PVT1: variants seen among roughly 807,000 people sequenced by gnomAD.
The protein encoded by PVT1 is CXCR4/PVT1 fusion.
At chr8:128,053,478 A>C (rs931205385) in intron 4 of PVT1, among the ~76,000 whole-genome samples, 27 of 150,518 alleles carry the variant, frequency 1.8e-4, no homozygotes. Flanking sequence ...GTATTAATAT[A>C]TATAGGTATT....
chr8:127,873,379 C>A (rs927130897), intron 2 of PVT1, among the ~76,000 whole-genome samples: 1 of 152,160 alleles, frequency 6.6e-6, no homozygotes, highest in Non-Finnish European at 1.5e-5. Context: ...AGGAAGGAGA[C>A]CCCTTCTAAC....
intron 4 of PVT1, among the ~76,000 whole-genome samples, chr8:128,004,819 C>A (rs977593446): frequency 1.4e-4 from 21 of 152,264 alleles, no homozygotes; most frequent in African/African-American, 5.1e-4. Flanking sequence ...TTGCGAAGTC[C>A]ACATAAAGTG....
intron 5 of PVT1, among the ~76,000 whole-genome samples, chr8:128,079,043 G>A (rs1814136708): frequency 7.1e-6 from 1 of 140,480 alleles, no homozygotes; most frequent in Admixed American, 7.0e-5. Flanking sequence ...ATCTTAAGGT[G>A]ATTTCCAATT....
intron 2 of PVT1, among the ~76,000 whole-genome samples, chr8:127,839,825 C>T (rs912413513): frequency 2.6e-5 from 4 of 152,062 alleles, no homozygotes; most frequent in African/African-American, 9.7e-5. Context: ...GTTGCCAGGG[C>T]TGGGGAGGAT....
intron 2 of PVT1, among the ~76,000 whole-genome samples, chr8:127,822,406 A>C (rs1171400466): frequency 3.3e-5 from 5 of 152,172 alleles, no homozygotes; most frequent in Admixed American, 6.5e-5. Flanking sequence ...GTGAAATCCC[A>C]TATCTACTAA....
intron 3 of PVT1, among the ~76,000 whole-genome samples, chr8:127,897,619 GAAAGAAAGAAAGACAGAC>G (rs975400701): frequency 7.2e-6 from 1 of 139,734 alleles, no homozygotes; most frequent in African/African-American, 2.7e-5. Flanking sequence ...AGAAAGGAAA[GAAAGAAAGAAAGACAGAC>G]AAAGAAAGAA....
intron 4 of PVT1, among the ~76,000 whole-genome samples, chr8:128,014,181 G>A (rs1242573546): frequency 6.6e-6 from 1 of 152,186 alleles, no homozygotes; most frequent in Non-Finnish European, 1.5e-5. Context: ...TCCCTCCCAG[G>A]GTTTAGGTCA....
At chr8:127,995,157 G>T (rs1226796049) in intron 4 of PVT1, among the ~76,000 whole-genome samples, 1 of 152,142 alleles carries the variant, frequency 6.6e-6, no homozygotes, top group African/African-American at 2.4e-5. Flanking sequence ...CCCTTTGAGT[G>T]TTGAGCCCCA....
chr8:127,990,174 C>A (rs907477072), intron 4 of PVT1, among the ~76,000 whole-genome samples: 1 of 152,174 alleles, frequency 6.6e-6, no homozygotes, highest in Admixed American at 6.5e-5. Context: ...TTGTGCCCAG[C>A]CCCTTACCCA....
chr8:127,808,507 C>T (rs1423741157), intron 2 of PVT1, among the ~76,000 whole-genome samples: 1 of 152,104 alleles, frequency 6.6e-6, no homozygotes, highest in African/African-American at 2.4e-5. Flanking sequence ...TCCAGATGAA[C>T]AGGTGTTTGG....
chr8:127,847,741 C>A (rs909567071), intron 2 of PVT1, among the ~76,000 whole-genome samples: 1 of 151,774 alleles, frequency 6.6e-6, no homozygotes, highest in Non-Finnish European at 1.5e-5. Context: ...GCCATCTTTT[C>A]TGTAAAAAAA....
intron 3 of PVT1, chr8:127,960,841 A>C: frequency 4.1e-6 from 1 of 242,888 alleles, no homozygotes; most frequent in Non-Finnish European, 8.6e-6. Context: ...CACATACTGC[A>C]GGCCAGGCAT....
chr8:128,041,494 TTGGTATGTGTG>T (rs1813542147), intron 4 of PVT1, among the ~76,000 whole-genome samples: 2 of 108,780 alleles, frequency 1.8e-5, no homozygotes, highest in Admixed American at 1.0e-4. Flanking sequence ...GCGTATGTGT[TTGGTATGTGTG>T]TGTGTGTGTA....
At chr8:128,062,324 T>C (rs1813841001) in intron 4 of PVT1, among the ~76,000 whole-genome samples, 1 of 152,234 alleles carries the variant, frequency 6.6e-6, no homozygotes, top group South Asian at 2.1e-4. Context: ...AATTTTTGTT[T>C]AGTGTGTTTC....
In PVT1 at chr8:127,958,508, G is replaced by A. The variant is rs1039028861; in HGVS notation, n.783-30654G>A. Reference sequence around the variant, plus strand: ...CCTGCTTTGGCCTCCCAAAGTGCTGGGATTACAGGCATGAGCCACCATGCC... The same window carrying A: ...CCTGCTTTGGCCTCCCAAAGTGCTGAGATTACAGGCATGAGCCACCATGCC... On this transcript the variant is annotated intron_variant and non_coding_transcript_variant, in intron 3 of 10. Coordinates refer to ENST00000651587, the Ensembl canonical transcript of PVT1. 3.3e-5 allele frequency among the ~76,000 whole-genome samples: 5 copies of A among 152,312 alleles called. No homozygotes were observed. In the South Asian group the frequency reaches 1.0e-3, roughly 32 times the overall value.
At chr8:128,099,793 A>T (rs559965670) in intron 6 of PVT1, 1 of 151,980 alleles carries the variant, frequency 6.6e-6, no homozygotes, top group African/African-American at 2.4e-5. Flanking sequence ...TGTTTTCTAG[A>T]ACGTTCTTTT....
chr8:127,898,597 A>G lies in PVT1; in HGVS notation n.782+7599A>G, dbSNP rs1005556422. Among the ~76,000 whole-genome samples, 1 of 152,202 alleles carries G rather than the reference A, an allele frequency of 6.6e-6. No homozygotes were observed. Among genetic ancestry groups the G allele is most frequent in the Non-Finnish European group, 1.5e-5 (1 of 68,032 alleles). On this transcript the variant is annotated intron_variant and non_coding_transcript_variant, in intron 3 of 10. Transcript: ENST00000651587. This position sits in a 1 kb window ranked among gnomAD's most constrained non-coding sequence, Gnocchi z 4.4. ...GGGCCACACTAGACTGGAGCCAACC[A>G]TGGCCCATTGCTGAGACTCTGGGCC... is the stretch of plus-strand genomic sequence containing the variant.
At chr8:127,945,174 T>C (rs1816405193) in intron 3 of PVT1, among the ~76,000 whole-genome samples, 1 of 152,198 alleles carries the variant, frequency 6.6e-6, no homozygotes, top group African/African-American at 2.4e-5. Flanking sequence ...GACACTGTGC[T>C]TGATGCATTT....
chr8:127,840,938 A>G (rs1586402041), intron 2 of PVT1, among the ~76,000 whole-genome samples: 2 of 152,232 alleles, frequency 1.3e-5, no homozygotes, highest in South Asian at 2.1e-4. Context: ...GACAGCTTCC[A>G]GTTCTGTCAG....
Sources: gnomAD v4.1 joint callset for allele counts (sites outside exome capture counted in the v4.1 genomes callset) on GRCh38, gnomAD v4.1.1 for gene constraint, Gnocchi (gnomAD v3.1) non-coding constraint, MANE v1.5 for transcripts, NCBI Gene and HGNC (gene_info 2026-07-23, HGNC 2026-07-21) for gene names.